Variants in FSTL5 observed in about 807,000 individuals in gnomAD.
The protein encoded by FSTL5 is follistatin-related protein 5.
A neutral mutation model predicts 89.1 loss-of-function variants in FSTL5; 62 were observed. The observed-to-expected ratio is 0.70, with a 90% CI of 0.57 to 0.86. The LOEUF (loss-of-function observed/expected upper bound fraction) is 0.86. Ranked by LOEUF, FSTL5 falls within the 40% of genes least tolerant of loss-of-function variation. FSTL5 has a pLI of 0.00. For missense variants in FSTL5, 1,057 were observed against 1,001.6 expected (o/e 1.06, Z -0.75); for synonymous variants, 383 against 346.2 (o/e 1.11, Z -1.18).
At chr4:161,921,648 G>T (rs1733999794) in intron 3 of FSTL5, among the ~76,000 whole-genome samples, 1 of 152,020 alleles carries the variant, frequency 6.6e-6, no homozygotes, top group South Asian at 2.1e-4. Context: ...TAGTTAGTAT[G>T]TATTAATATT....
intron 3 of FSTL5, among the ~76,000 whole-genome samples, chr4:161,928,889 A>T (rs1472485501): frequency 6.6e-6 from 1 of 151,846 alleles, no homozygotes; most frequent in East Asian, 1.9e-4. Flanking sequence ...GAAATTTTTA[A>T]TTATAATTAA....
At chr4:161,916,006 T>C (rs952105771) in intron 4 of FSTL5, among the ~76,000 whole-genome samples, 2 of 151,402 alleles carry the variant, frequency 1.3e-5, no homozygotes, top group Admixed American at 1.3e-4. Flanking sequence ...AAGTTCCTTC[T>C]TAAAAAAAAA....
intron 4 of FSTL5, among the ~76,000 whole-genome samples, chr4:161,841,882 G>A (rs1011797744): frequency 6.6e-6 from 1 of 151,972 alleles, no homozygotes; most frequent in Non-Finnish European, 1.5e-5. Context: ...CCTTAAGATC[G>A]GCTCCCAGCT....
chr4:161,982,584 A>G (rs918687336), intron 3 of FSTL5, among the ~76,000 whole-genome samples: 18 of 152,200 alleles, frequency 1.2e-4, no homozygotes, highest in Non-Finnish European at 2.2e-4. Flanking sequence ...TTTGGGGAAA[A>G]CAAGAAATGA....
chr4:161,615,110 C>A (rs1734799870), intron 7 of FSTL5, among the ~76,000 whole-genome samples: 1 of 151,634 alleles, frequency 6.6e-6, no homozygotes, highest in Non-Finnish European at 1.5e-5. Context: ...CTGGCTAACA[C>A]GGTGAAACCC....
At chr4:162,098,133 T>C (rs1304527846) in intron 2 of FSTL5, among the ~76,000 whole-genome samples, 2 of 152,006 alleles carry the variant, frequency 1.3e-5, no homozygotes. Flanking sequence ...TCTAACTAGA[T>C]ATATAAAAAG....
At chr4:162,070,074 G>A (rs560446602) in intron 2 of FSTL5, among the ~76,000 whole-genome samples, 1 of 151,760 alleles carries the variant, frequency 6.6e-6, no homozygotes, top group East Asian at 1.9e-4. Flanking sequence ...TAGCCATTCT[G>A]TCTTGGGTGA....
chr4:161,620,176 C>T (rs1344529750), intron 7 of FSTL5, among the ~76,000 whole-genome samples: 2 of 114,720 alleles, frequency 1.7e-5, no homozygotes, highest in African/African-American at 7.1e-5. Flanking sequence ...ACATCACACT[C>T]TGGGGACTGT....
chr4:162,140,601 A>T (rs1732690133), intron 1 of FSTL5, among the ~76,000 whole-genome samples: 1 of 147,066 alleles, frequency 6.8e-6, no homozygotes, highest in African/African-American at 2.5e-5. Context: ...GATCTGACAG[A>T]TGAGTGAAAT....
chr4:161,940,690 G>T (rs556980504), intron 3 of FSTL5, among the ~76,000 whole-genome samples: 3 of 151,738 alleles, frequency 2.0e-5, no homozygotes, highest in Non-Finnish European at 3.0e-5. Flanking sequence ...AATGAAATTG[G>T]AAAGGAAACA....
intron 1 of FSTL5, among the ~76,000 whole-genome samples, chr4:162,148,370 T>C (rs555767678): frequency 6.6e-6 from 1 of 152,336 alleles, no homozygotes; most frequent in African/African-American, 2.4e-5. Flanking sequence ...ATAATTATTG[T>C]GTCATCCTAA....
At chr4:161,838,878 G>A (rs1386382404) in intron 4 of FSTL5, among the ~76,000 whole-genome samples, 2 of 151,678 alleles carry the variant, frequency 1.3e-5, no homozygotes, top group African/African-American at 4.8e-5. Context: ...ATCATAGCAA[G>A]TATTTACTCT....
At position 161,676,307 on chromosome 4, in the gene FSTL5, G is replaced by A. The variant is rs142440217; in HGVS notation, c.728-19813C>T. On this transcript the variant is annotated intron_variant, in intron 6 of 15. Coordinates refer to ENST00000306100, the MANE Select transcript of FSTL5 (RefSeq NM_020116.5). ...AGAAAATGTGGCACATATACACCAC[G>A]AAATACTATGCAGTCAAAAAAAAGG... Among the ~76,000 whole-genome samples, 23 of 152,024 alleles carry A rather than the reference G, an allele frequency of 1.5e-4. No individual in the cohort carries two copies. In the East Asian group the frequency reaches 3.1e-3, roughly 20 times the overall value.
chr4:161,558,994 C>T (rs1406960092), intron 8 of FSTL5, among the ~76,000 whole-genome samples: 2 of 151,920 alleles, frequency 1.3e-5, no homozygotes, highest in Non-Finnish European at 2.9e-5. Context: ...TTCTCAACAG[C>T]CCTGCACAAA....
chr4:161,407,530 T>A (rs1731428070), intron 15 of FSTL5, among the ~76,000 whole-genome samples: 1 of 152,140 alleles, frequency 6.6e-6, no homozygotes, highest in Non-Finnish European at 1.5e-5. Context: ...GATTGCCTAC[T>A]CTCACTGTGG....
intron 3 of FSTL5, among the ~76,000 whole-genome samples, chr4:161,960,461 G>A (rs1735146592): frequency 6.6e-6 from 1 of 151,884 alleles, no homozygotes; most frequent in Admixed American, 6.6e-5. Flanking sequence ...GGGATTACAG[G>A]TGTGAGCCAC....
chr4:162,034,402 G>A (rs139014021), intron 2 of FSTL5, among the ~76,000 whole-genome samples: 2 of 152,140 alleles, frequency 1.3e-5, no homozygotes, highest in East Asian at 3.9e-4. Context: ...CTTTTCAACT[G>A]TCTTTGCTTT....
At chr4:161,695,241 T>C (rs753403015) in intron 6 of FSTL5, among the ~76,000 whole-genome samples, 7 of 152,024 alleles carry the variant, frequency 4.6e-5, no homozygotes, top group Non-Finnish European at 1.0e-4. Context: ...CCAAAGTCCA[T>C]TGTGTCATTC....
chr4:161,651,011 AC>A (rs1177890817), intron 7 of FSTL5, among the ~76,000 whole-genome samples: 1 of 151,836 alleles, frequency 6.6e-6, no homozygotes, highest in Non-Finnish European at 1.5e-5. Context: ...TTTTTCTTTC[AC>A]CCCTGACTGC....
Sources: gnomAD v4.1 joint callset for allele counts (sites outside exome capture counted in the v4.1 genomes callset) on GRCh38, gnomAD v4.1.1 for gene constraint, MANE v1.5 for transcripts, NCBI Gene and HGNC (gene_info 2026-07-23, HGNC 2026-07-21) for gene names.